BABAM2: variants seen among roughly 807,000 people sequenced by gnomAD.
BABAM2 encodes BRISC and BRCA1-A complex member 2.
A neutral mutation model predicts 54.7 loss-of-function variants in BABAM2; 31 were observed. The observed-to-expected ratio is 0.57, with a 90% CI of 0.43 to 0.77. The LOEUF (loss-of-function observed/expected upper bound fraction) is 0.77. Ranked by LOEUF, BABAM2 falls within the 30% of genes least tolerant of loss-of-function variation. BABAM2 has a pLI of 0.00. For missense variants in BABAM2, 364 were observed against 455.8 expected (o/e 0.80, Z 1.83); for synonymous variants, 167 against 162.9 (o/e 1.03, Z -0.19).
intron 2 of BABAM2, among the ~76,000 whole-genome samples, chr2:27,921,472 T>A (rs1409646242): frequency 6.6e-6 from 1 of 152,192 alleles, no homozygotes; most frequent in Non-Finnish European, 1.5e-5. Flanking sequence ...GATATTAATC[T>A]GATGGTTTTC....
intron 4 of BABAM2, among the ~76,000 whole-genome samples, chr2:28,000,844 T>C (rs1392027802): frequency 2.0e-5 from 3 of 152,232 alleles, no homozygotes; most frequent in African/African-American, 4.8e-5. Flanking sequence ...ACTTGGTTCC[T>C]ATATTCCTTT....
intron 10 of BABAM2, among the ~76,000 whole-genome samples, chr2:28,289,948 C>T (rs937782957): frequency 3.9e-5 from 6 of 152,156 alleles, no homozygotes; most frequent in Admixed American, 3.3e-4. Flanking sequence ...TTCCCTTTTC[C>T]CCACCCACAG....
chr2:27,934,333 G>T (rs1668333729), intron 3 of BABAM2, among the ~76,000 whole-genome samples: 1 of 152,100 alleles, frequency 6.6e-6, no homozygotes, highest in African/African-American at 2.4e-5. Flanking sequence ...TATTGTCATT[G>T]TGTTGAGATG....
intron 8 of BABAM2, among the ~76,000 whole-genome samples, chr2:28,238,180 T>G (rs1193950895): frequency 6.6e-6 from 1 of 152,208 alleles, no homozygotes. Flanking sequence ...AGTCAGATGA[T>G]CTAAAGCTTC....
intron 7 of BABAM2, among the ~76,000 whole-genome samples, chr2:28,140,017 A>G (rs910812888): frequency 1.3e-5 from 2 of 152,182 alleles, no homozygotes; most frequent in Non-Finnish European, 2.9e-5. Context: ...CTTGTAATAA[A>G]CAGAGTTTAT....
At chr2:28,286,818 G>T (rs1686859496) in intron 10 of BABAM2, among the ~76,000 whole-genome samples, 1 of 152,172 alleles carries the variant, frequency 6.6e-6, no homozygotes, top group African/African-American at 2.4e-5. Context: ...CTGTGGGGAG[G>T]AGTTGGCCTT....
At chr2:28,231,207 G>A (rs951916659) in intron 7 of BABAM2, among the ~76,000 whole-genome samples, 1 of 151,824 alleles carries the variant, frequency 6.6e-6, no homozygotes, top group Non-Finnish European at 1.5e-5. Flanking sequence ...CCAGTAGAGT[G>A]TCTGGCAAAA....
chr2:28,154,345 G>T (rs577534172), intron 7 of BABAM2, among the ~76,000 whole-genome samples: 1 of 152,308 alleles, frequency 6.6e-6, no homozygotes, highest in Admixed American at 6.5e-5. Flanking sequence ...TTAGCTTAGA[G>T]ACTTCTTTTG....
intron 6 of BABAM2, among the ~76,000 whole-genome samples, chr2:28,056,549 G>T (rs901306730): frequency 2.6e-5 from 4 of 151,818 alleles, no homozygotes; most frequent in African/African-American, 9.7e-5. Context: ...ATGATTATCA[G>T]TTGACCTGCT....
At chr2:28,122,485 C>T (rs1441769266) in intron 6 of BABAM2, among the ~76,000 whole-genome samples, 2 of 152,132 alleles carry the variant, frequency 1.3e-5, no homozygotes, top group Non-Finnish European at 2.9e-5. Context: ...CATATATACC[C>T]ACTGAGTGGT....
chr2:28,266,184 G>C (rs927261182), intron 10 of BABAM2, among the ~76,000 whole-genome samples: 1 of 152,032 alleles, frequency 6.6e-6, no homozygotes, highest in Non-Finnish European at 1.5e-5. Flanking sequence ...ACGAGGTTTC[G>C]CCATGTTGGC....
chr2:27,920,971 A>T lies in BABAM2; in HGVS notation c.129-8861A>T, dbSNP rs17758057. On this transcript the variant is annotated intron_variant, in intron 2 of 11. Transcript: ENST00000379624. Reference sequence around the variant, plus strand: ...TCATATAGCTTTGTTAATCTAGATTAGTTCTTGGCTGTCACTAAAAAGCCT... The same window carrying T: ...TCATATAGCTTTGTTAATCTAGATTTGTTCTTGGCTGTCACTAAAAAGCCT... Among the ~76,000 whole-genome samples, 873 of 152,344 alleles carry T rather than the reference A, an allele frequency of 5.7e-3. 5 individuals carry two copies. The highest frequency in any genetic ancestry group is 0.011 in the Admixed American group (166 of 15,300).
intron 3 of BABAM2, among the ~76,000 whole-genome samples, chr2:27,976,555 T>G (rs150321446): frequency 6.6e-6 from 1 of 152,060 alleles, no homozygotes; most frequent in Non-Finnish European, 1.5e-5. Flanking sequence ...GAATAAGGAA[T>G]GGTCGGAATA....
At chr2:28,035,035 G>A (rs1429788854) in intron 5 of BABAM2, among the ~76,000 whole-genome samples, 3 of 152,070 alleles carry the variant, frequency 2.0e-5, no homozygotes, top group East Asian at 1.9e-4. Flanking sequence ...ATGTGTGCAC[G>A]TGGGAAATAC....
intron 7 of BABAM2, among the ~76,000 whole-genome samples, chr2:28,167,980 C>T (rs985387872): frequency 5.3e-5 from 8 of 152,130 alleles, no homozygotes; most frequent in Non-Finnish European, 1.0e-4. Flanking sequence ...ATAATTTTCT[C>T]AAGACCACAC....
At chr2:28,113,815 T>C (rs1008608146) in intron 6 of BABAM2, among the ~76,000 whole-genome samples, 4 of 152,192 alleles carry the variant, frequency 2.6e-5, no homozygotes, top group African/African-American at 4.8e-5. Flanking sequence ...TTGTGTCCTC[T>C]CTTATTTTCT....
chr2:28,261,135 T>G (rs1684471390), intron 10 of BABAM2, among the ~76,000 whole-genome samples: 1 of 151,624 alleles, frequency 6.6e-6, no homozygotes, highest in Non-Finnish European at 1.5e-5. Context: ...AGAGACAGGG[T>G]TTCACCATAA....
chr2:27,938,843 T>C (rs957224474), intron 3 of BABAM2, among the ~76,000 whole-genome samples: 7 of 152,220 alleles, frequency 4.6e-5, no homozygotes, highest in Non-Finnish European at 1.0e-4. Context: ...CAAAGGGTAA[T>C]GGCTAACTCA....
chr2:28,074,610 C>T (rs907706324), intron 6 of BABAM2, among the ~76,000 whole-genome samples: 2 of 151,984 alleles, frequency 1.3e-5, no homozygotes, highest in South Asian at 2.1e-4. Flanking sequence ...GAAGTCATGC[C>T]GTATTATACT....
Sources: allele counts gnomAD v4.1 joint callset (sites outside exome capture counted in the v4.1 genomes callset), GRCh38; gene constraint gnomAD v4.1.1; transcripts MANE v1.5; gene names NCBI Gene and HGNC (gene_info 2026-07-23, HGNC 2026-07-21).